The following PPIG variants were observed in gnomAD, a reference collection of about 807,000 sequenced individuals.
PPIG encodes peptidyl-prolyl cis-trans isomerase G.
PPIG carries 26 observed loss-of-function variants against 87.9 expected under a neutral mutation model. That is an observed-to-expected ratio of 0.30 (90% confidence interval 0.22 to 0.41). The LOEUF (loss-of-function observed/expected upper bound fraction) is 0.41. PPIG is among the 10% of genes least tolerant of loss of function. PPIG has a pLI of 1.00. For missense variants in PPIG, 722 were observed against 879.4 expected (o/e 0.82, Z 2.26); for synonymous variants, 308 against 276.5 (o/e 1.11, Z -1.13).
intron 9 of PPIG, among the ~76,000 whole-genome samples, chr2:169,627,725 T>TTTTTAA (rs1491338209): frequency 7.0e-6 from 1 of 142,942 alleles, no homozygotes; most frequent in Non-Finnish European, 1.5e-5. Context: ...TTTTTTTTTT[T>TTTTTAA]AATTTCAAAC....
At chr2:169,633,399 G>A (rs1259825469) in intron 12 of PPIG, 152 bp downstream of exon 12, 3 of 674,662 alleles carry the variant, frequency 4.4e-6, no homozygotes, top group Non-Finnish European at 7.8e-6. Context: ...TTCTTAAGCA[G>A]CTTCTGTATG....
chr2:169,624,648 T>C (rs540283399), intron 9 of PPIG, among the ~76,000 whole-genome samples: 1 of 152,296 alleles, frequency 6.6e-6, no homozygotes, highest in South Asian at 2.1e-4. Flanking sequence ...AGTGCAGTGG[T>C]GCGTTCTCGG....
At chr2:169,601,513 T>A (rs1685183087) in intron 1 of PPIG, among the ~76,000 whole-genome samples, 2 of 152,296 alleles carry the variant, frequency 1.3e-5, no homozygotes, top group Non-Finnish European at 2.9e-5. Flanking sequence ...AGCTCCTTTC[T>A]TGAATACAGT....
In PPIG at chr2:169,614,733, G is replaced by A. The variant is rs766544684; in HGVS notation, c.547+9G>A. 2 of 1,591,896 alleles carry A rather than the reference G, an allele frequency of 1.3e-6. No homozygotes were observed. The highest frequency in any genetic ancestry group is 1.7e-6 in the Non-Finnish European group (2 of 1,174,286). Reference sequence around the variant, plus strand: ...GATTCCCAAATCTAAAGGTAAAAAGGAAGTACATATTTCTGAGAATACTTA... The same window carrying A: ...GATTCCCAAATCTAAAGGTAAAAAGAAAGTACATATTTCTGAGAATACTTA... On this transcript the variant is annotated intron_variant, in intron 9 of 13. Transcript: ENST00000260970.
At chr2:169,631,531 G>A (rs1686051642) in intron 10 of PPIG, 2 of 1,239,880 alleles carry the variant, frequency 1.6e-6, no homozygotes, top group South Asian at 2.1e-5. Flanking sequence ...TATCCATTTT[G>A]TAGGAAAATA....
chr2:169,607,829 G>A (rs1685375685), intron 6 of PPIG, among the ~76,000 whole-genome samples: 1 of 152,186 alleles, frequency 6.6e-6, no homozygotes, highest in South Asian at 2.1e-4. Flanking sequence ...TGAAACAGAT[G>A]AAATGTAAAA....
In PPIG at chr2:169,592,306, T is replaced by TC. The variant is rs1553543296; in HGVS notation, c.-70+7816_-70+7817insC. Among the ~76,000 whole-genome samples, 391 of 133,404 alleles carry TC rather than the reference T, an allele frequency of 2.9e-3. 4 individuals are homozygous for TC. Among genetic ancestry groups the TC allele is most frequent in the African/African-American group, 0.01 (358 of 35,174 alleles). 87.5% of individuals were successfully genotyped at this position (133,404 alleles called of 152,430 possible). On this transcript the variant is annotated intron_variant, in intron 1 of 13. Transcript: ENST00000260970. ...TCTGGTTTCAGATGTCTTTTTTCTT[T>TC]TTTTTTTTTTTTTTTTGAGATGGAG...
intron 1 of PPIG, among the ~76,000 whole-genome samples, chr2:169,586,049 A>T (rs1684693741): frequency 6.6e-6 from 1 of 152,114 alleles, no homozygotes. Flanking sequence ...CTGAAAATTT[A>T]CCCGTTTTAG....
intron 9 of PPIG, among the ~76,000 whole-genome samples, chr2:169,629,830 T>C (rs12616798): frequency 0.6 from 90,716 of 152,050 alleles, 27,724 homozygotes; most frequent in African/African-American, 0.73. Flanking sequence ...TTCCCTTCAT[T>C]CATTTCATTA....
chr2:169,607,710 T>C (rs1685372258), intron 6 of PPIG, among the ~76,000 whole-genome samples: 1 of 152,246 alleles, frequency 6.6e-6, no homozygotes, highest in Admixed American at 6.5e-5. Flanking sequence ...TTGTTCTTAA[T>C]ATTCTAACCC....
At chr2:169,584,566 G>A (rs1340941283) in intron 1 of PPIG, 76 bp downstream of exon 1, 3 of 456,548 alleles carry the variant, frequency 6.6e-6, no homozygotes, top group African/African-American at 6.1e-5. Flanking sequence ...GGAAGGGCCT[G>A]GGAAGAGGGG....
chr2:169,629,074 C>T (rs141289853), intron 9 of PPIG, among the ~76,000 whole-genome samples: 88 of 151,514 alleles, frequency 5.8e-4, no homozygotes, highest in Admixed American at 1.7e-3. Context: ...AACTAAGGTT[C>T]TGTAACCAAA....
At chr2:169,611,659 A>C (rs1031096718) in intron 7 of PPIG, among the ~76,000 whole-genome samples, 2 of 152,204 alleles carry the variant, frequency 1.3e-5, no homozygotes, top group African/African-American at 4.8e-5. Context: ...TGCTAATTTC[A>C]CCACATTCTC....
chr2:169,630,919 A>G lies in PPIG; in HGVS notation c.693A>G (p.Lys231=), dbSNP rs141485021. 2,521 of 1,603,666 alleles carry G rather than the reference A, an allele frequency of 1.6e-3. 5 individuals are homozygous for G. The highest frequency in any genetic ancestry group is 3.3e-3 in the Middle Eastern group (20 of 6,042). ...SATEEKSKKR[K]KKHRKNSRKH... ...CTGAAGAGAAATCAAAGAAAAGAAA[A>G]AAGAAACATCGGAAAAATTCCCGAA... Residue 231 remains lysine (K), a synonymous_variant, in exon 10 of 14, where the codon AAA becomes AAG. Coordinates refer to ENST00000260970, the MANE Select transcript of PPIG (RefSeq NM_004792.3).
At chr2:169,608,619 T>C in intron 6 of PPIG, 52 bp from the exon 7 acceptor site, 2 of 1,232,352 alleles carry the variant, frequency 1.6e-6, no homozygotes, top group Non-Finnish European at 2.4e-6. Context: ...GAAGATGAAA[T>C]TTTTTTGGAG....
intron 9 of PPIG, among the ~76,000 whole-genome samples, chr2:169,616,183 C>CT (rs1264182746): frequency 1.3e-5 from 2 of 152,090 alleles, no homozygotes; most frequent in African/African-American, 2.4e-5. Flanking sequence ...TGAACTCATC[C>CT]TTTTTTATGG....
intron 1 of PPIG, among the ~76,000 whole-genome samples, chr2:169,590,917 G>A (rs928963507): frequency 5.9e-5 from 9 of 152,206 alleles, no homozygotes; most frequent in Admixed American, 3.3e-4. Flanking sequence ...TGAGGTAGGA[G>A]GATTGCTTGA....
At position 169,637,676 on chromosome 2, in the gene PPIG, T is replaced by G; in HGVS notation, c.*153T>G. 1.3e-6 allele frequency: 1 copy of G among 787,086 alleles called. No individual in the cohort carries two copies. The highest frequency in any genetic ancestry group is 2.3e-5 in the South Asian group (1 of 42,788). 48.8% of individuals were successfully genotyped at this position (787,086 alleles called of 1,614,324 possible). A position where few individuals can be genotyped will look rare whatever the true frequency, so the allele number is the denominator to read the frequency against. On this transcript the variant is annotated 3_prime_UTR_variant, in exon 14 of 14. Transcript: ENST00000260970. ...TTAATGTGGATTTCATTGAGTTGAT[T>G]TTTTGATAATCTGCAATCTGGATAA... is the stretch of plus-strand genomic sequence containing the variant.
At chr2:169,634,504 C>G (rs545172231) in intron 12 of PPIG, among the ~76,000 whole-genome samples, 1 of 152,274 alleles carries the variant, frequency 6.6e-6, no homozygotes, top group East Asian at 1.9e-4. Flanking sequence ...TCCAAAGACT[C>G]ATTTGACTAA....
Sources: gnomAD v4.1 joint callset for allele counts (sites outside exome capture counted in the v4.1 genomes callset) on GRCh38, gnomAD v4.1.1 for gene constraint, MANE v1.5 for transcripts, NCBI Gene and HGNC (gene_info 2026-07-23, HGNC 2026-07-21) for gene names.